Variants in EIF2S3 observed in about 807,000 individuals in gnomAD.
The protein encoded by EIF2S3 is eukaryotic translation initiation factor 2 subunit gamma.
Under a neutral mutation model 31.7 loss-of-function variants are expected in EIF2S3, and 2 were observed. The observed-to-expected ratio is 0.06, with a 90% confidence interval of 0.03 to 0.20. The LOEUF (loss-of-function observed/expected upper bound fraction) is 0.20, where lower values mean the gene tolerates loss of function less well. Ranked by LOEUF, EIF2S3 falls within the 10% of genes least tolerant of loss-of-function variation. The pLI is 1.00. For missense variants in EIF2S3, 96 were observed against 359.3 expected, an observed-to-expected ratio of 0.27 and a Z score of 5.92; for synonymous variants, 120 against 126.7, an observed-to-expected ratio of 0.95 and a Z score of 0.36.
chrX:24,066,318 A>G (rs754341310), intron 8 of EIF2S3, among the ~76,000 whole-genome samples: 2 of 109,646 alleles, frequency 1.8e-5, no homozygotes, highest in East Asian at 2.8e-4. Context: ...TGAATCCACA[A>G]TCTACCTTCA....
intron 9 of EIF2S3, among the ~76,000 whole-genome samples, chrX:24,069,061 TAAAAG>T (rs1433874719): frequency 1.8e-5 from 2 of 110,711 alleles, no homozygotes; most frequent in Non-Finnish European, 3.8e-5. Context: ...AAAAAGGAAA[TAAAAG>T]AAAACAAAAA....
chrX:24,061,077 G>A (rs1315045017), intron 5 of EIF2S3, among the ~76,000 whole-genome samples: 2 of 106,752 alleles, frequency 1.9e-5, no homozygotes, highest in African/African-American at 3.4e-5. Flanking sequence ...CCAACAGGGC[G>A]AAACCCTGTC....
At chrX:24,066,369 A>G (rs1930573377) in intron 8 of EIF2S3, among the ~76,000 whole-genome samples, 1 of 109,777 alleles carries the variant, frequency 9.1e-6, no homozygotes, top group East Asian at 2.8e-4. Context: ...CAGATGAGTG[A>G]GAATGTGTGA....
chrX:24,056,842 G>A (rs1217590974), intron 2 of EIF2S3, among the ~76,000 whole-genome samples: 2 of 111,913 alleles, frequency 1.8e-5, no homozygotes, highest in Non-Finnish European at 3.8e-5. Flanking sequence ...CTGGGCAGCA[G>A]CAGGAGACCC....
At chrX:24,055,718 A>G (rs774821506) in intron 2 of EIF2S3, 40 bp downstream of exon 2, 55 of 1,149,190 alleles carry the variant, frequency 4.8e-5, no homozygotes, top group Admixed American at 1.3e-4. Flanking sequence ...GTCTCCAACA[A>G]TTAATTTTAA....
intron 6 of EIF2S3, 137 bp downstream of exon 6, chrX:24,062,711 C>A: frequency 1.5e-6 from 1 of 649,691 alleles, no homozygotes; most frequent in Non-Finnish European, 2.2e-6. Flanking sequence ...ATCGCCCTAC[C>A]TTTTGCTTGT....
At chrX:24,075,859 G>A (rs760503120) in intron 11 of EIF2S3, among the ~76,000 whole-genome samples, 3 of 110,841 alleles carry the variant, frequency 2.7e-5, no homozygotes, top group South Asian at 3.8e-4. Flanking sequence ...TCACACCACC[G>A]TGATCAGCTA....
intron 8 of EIF2S3, among the ~76,000 whole-genome samples, chrX:24,067,493 C>CTT (rs11375396): frequency 0.5 from 41,446 of 82,519 alleles, 9,853 homozygotes; most frequent in Non-Finnish European, 0.64. Context: ...TCGTTCACAT[C>CTT]TTTTTTTTTT....
At chrX:24,065,943 A>G in intron 7 of EIF2S3, 55 bp from the exon 8 acceptor site, 2 of 1,040,191 alleles carry the variant, frequency 1.9e-6, no homozygotes, top group East Asian at 3.0e-5. Flanking sequence ...ATGGAAAATA[A>G]TATTTCTTCT....
At chrX:24,067,723 G>A (rs770300570) in intron 8 of EIF2S3, among the ~76,000 whole-genome samples, 1 of 108,500 alleles carries the variant, frequency 9.2e-6, no homozygotes, top group Admixed American at 1.0e-4. Context: ...GAGTAGCAGG[G>A]ATTACAGGTG....
At chrX:24,072,990 T>C in intron 10 of EIF2S3, 101 bp from the exon 11 acceptor site, 8 of 922,782 alleles carry the variant, frequency 8.7e-6, no homozygotes, top group Non-Finnish European at 1.2e-5. Context: ...ATTTTTTTTA[T>C]GATTGACATA....
chrX:24,055,178 A>G, intron 1 of EIF2S3, 141 bp downstream of exon 1: 2 of 680,388 alleles, frequency 2.9e-6, no homozygotes, highest in Non-Finnish European at 4.4e-6. Context: ...TGGGCGCCCT[A>G]AGCCATGCTC....
intron 4 of EIF2S3, among the ~76,000 whole-genome samples, chrX:24,059,396 G>A (rs1930456778): frequency 9.0e-6 from 1 of 110,711 alleles, no homozygotes; most frequent in East Asian, 2.8e-4. Flanking sequence ...CAAGGTGTTA[G>A]AGGTATTTTT....
At chrX:24,058,585 T>C (rs1248716285) in intron 4 of EIF2S3, among the ~76,000 whole-genome samples, 2 of 101,270 alleles carry the variant, frequency 2.0e-5, no homozygotes, top group Non-Finnish European at 4.0e-5. Context: ...CAGGTTGGAG[T>C]GCAGTGGTGC....
Position 24,068,035 on chromosome X carries a change from A to G in EIF2S3, c.939A>G (p.Pro313=), listed in dbSNP as rs1930605530. The change falls in exon 9 of 12, where the codon CCA becomes CCG. Residue 313 remains proline, a synonymous_variant. Coordinates refer to ENST00000253039, the MANE Select transcript of EIF2S3 (RefSeq NM_001415.4). ...KDSEGKLMCK[P]IFSKIVSLFA... is the part of the protein sequence containing the mutation. ...GTGAAGGAAAACTCATGTGTAAACC[A>G]ATCTTTTCCAAAATTGTATCACTTT... 8.3e-7 allele frequency: 1 copy of G among 1,204,291 alleles called. No individual in the cohort carries two copies. The highest frequency in any genetic ancestry group is 1.1e-6 in the Non-Finnish European group (1 of 891,310).
chrX:24,065,702 A>G (rs1930561480), intron 7 of EIF2S3, among the ~76,000 whole-genome samples: 1 of 112,150 alleles, frequency 8.9e-6, no homozygotes, highest in Non-Finnish European at 1.9e-5. Flanking sequence ...TCTTAACAGT[A>G]TGTGAGGGTC....
At chrX:24,058,595 C>A (rs1412852259) in intron 4 of EIF2S3, among the ~76,000 whole-genome samples, 2 of 95,617 alleles carry the variant, frequency 2.1e-5, no homozygotes, top group Non-Finnish European at 2.0e-5. Context: ...TGCAGTGGTG[C>A]GATCTTGGCT....
intron 8 of EIF2S3, among the ~76,000 whole-genome samples, chrX:24,066,465 T>C (rs1309274906): frequency 9.0e-6 from 1 of 110,738 alleles, no homozygotes; most frequent in Non-Finnish European, 1.9e-5. Context: ...AGAATTTTTT[T>C]TTATGGCTGC....
intron 9 of EIF2S3, among the ~76,000 whole-genome samples, chrX:24,070,699 A>G (rs1345107828): frequency 9.0e-6 from 1 of 111,063 alleles, no homozygotes; most frequent in Non-Finnish European, 1.9e-5. Context: ...GGCCTCCCCA[A>G]GTGCTGGGAT....
Sources: gnomAD v4.1 joint callset for allele counts (sites outside exome capture counted in the v4.1 genomes callset) on GRCh38, gnomAD v4.1.1 for gene constraint, MANE v1.5 for transcripts, NCBI Gene and HGNC (gene_info 2026-07-23, HGNC 2026-07-21) for gene names.